The following DNAJC1 variants were observed in gnomAD, a reference collection of about 807,000 sequenced individuals.
DNAJC1 encodes the protein DnaJ heat shock protein family (Hsp40) member C1, also known as dnaJ homolog subfamily C member 1.
DNAJC1 carries 58 observed loss-of-function variants against 76.6 expected under a neutral mutation model. That is an observed-to-expected ratio of 0.76 (90% CI 0.61 to 0.94). DNAJC1 has a LOEUF of 0.94. DNAJC1 is among the 40% of genes least tolerant of loss of function. DNAJC1 has a pLI of 0.00. For synonymous variants in DNAJC1, 258 were observed against 267.9 expected (o/e 0.96, Z 0.36); for missense variants, 689 against 677.3 (o/e 1.02, Z -0.19).
intron 8 of DNAJC1, among the ~76,000 whole-genome samples, chr10:21,837,904 TCCGGGAGGGAGGTGGCGGGCAGC>T (rs1835495463): frequency 2.9e-5 from 4 of 137,318 alleles, no homozygotes; most frequent in African/African-American, 1.1e-4. Context: ...AGCCGCCCCG[TCCGGGAGGGAGGTGGCGGGCAGC>T]CCCCGCCCGG....
intron 8 of DNAJC1, among the ~76,000 whole-genome samples, chr10:21,871,697 G>A (rs1166998590): frequency 6.6e-6 from 1 of 151,802 alleles, no homozygotes; most frequent in East Asian, 1.9e-4. Context: ...ATCCAGGCTG[G>A]AGTGCAGTGG....
At chr10:21,975,989 T>G (rs1019999837) in intron 1 of DNAJC1, among the ~76,000 whole-genome samples, 1 of 152,136 alleles carries the variant, frequency 6.6e-6, no homozygotes, top group African/African-American at 2.4e-5. Flanking sequence ...CATATTTAGA[T>G]GGGCAAAAAT....
At chr10:21,813,198 C>T (rs1835008446) in intron 8 of DNAJC1, among the ~76,000 whole-genome samples, 1 of 81,052 alleles carries the variant, frequency 1.2e-5, no homozygotes, top group Non-Finnish European at 2.3e-5. Flanking sequence ...CTCTCTCTCT[C>T]TCTCTCTCTC....
At chr10:21,894,682 T>C (rs1836512179) in intron 7 of DNAJC1, among the ~76,000 whole-genome samples, 1 of 152,204 alleles carries the variant, frequency 6.6e-6, no homozygotes, top group Non-Finnish European at 1.5e-5. Context: ...AGAAAGCTAA[T>C]GCTATGAACG....
At chr10:21,962,461 T>C (rs77638326) in intron 1 of DNAJC1, among the ~76,000 whole-genome samples, 2 of 17,314 alleles carry the variant, frequency 1.2e-4, no homozygotes, top group African/African-American at 4.4e-4. Context: ...TTTTATTGCT[T>C]TTTTTTTTTT....
At chr10:21,952,616 A>G (rs545985741) in intron 1 of DNAJC1, among the ~76,000 whole-genome samples, 1 of 152,268 alleles carries the variant, frequency 6.6e-6, no homozygotes, top group African/African-American at 2.4e-5. Flanking sequence ...AAAATTATCC[A>G]GGCATAGTGG....
chr10:21,904,166 T>C (rs1180525339), intron 7 of DNAJC1, among the ~76,000 whole-genome samples: 1 of 152,186 alleles, frequency 6.6e-6, no homozygotes. Flanking sequence ...TAACTACAAC[T>C]GTTACACAGA....
intron 1 of DNAJC1, among the ~76,000 whole-genome samples, chr10:21,968,896 G>A (rs1212469948): frequency 6.6e-6 from 1 of 151,786 alleles, no homozygotes; most frequent in Non-Finnish European, 1.5e-5. Flanking sequence ...TTCCCTGTTT[G>A]TGCACAAAAC....
chr10:21,759,086 G>A, intron 11 of DNAJC1, 84 bp downstream of exon 11: 1 of 1,355,404 alleles, frequency 7.4e-7, no homozygotes, highest in Non-Finnish European at 1.0e-6. Context: ...ATAGGAATGA[G>A]GGAAGAAGCT....
At chr10:21,784,366 A>T (rs1368446167) in intron 9 of DNAJC1, among the ~76,000 whole-genome samples, 5 of 152,212 alleles carry the variant, frequency 3.3e-5, no homozygotes, top group Non-Finnish European at 5.9e-5. Flanking sequence ...ATCTTAGACC[A>T]GTTAGAATGG....
intron 6 of DNAJC1, among the ~76,000 whole-genome samples, chr10:21,915,351 G>A (rs775745810): frequency 7.9e-5 from 12 of 152,126 alleles, no homozygotes; most frequent in Non-Finnish European, 1.6e-4. Context: ...GCAAAGGAAT[G>A]GGTATTTAGA....
At chr10:21,813,207 T>TCC (rs1835009947) in intron 8 of DNAJC1, among the ~76,000 whole-genome samples, 1 of 96,270 alleles carries the variant, frequency 1.0e-5, no homozygotes, top group Non-Finnish European at 2.0e-5. Context: ...TCTCTCTCTC[T>TCC]CTCTCTCTCT....
intron 9 of DNAJC1, among the ~76,000 whole-genome samples, chr10:21,788,723 G>A (rs961373734): frequency 7.9e-5 from 12 of 152,064 alleles, no homozygotes; most frequent in African/African-American, 2.9e-4. Flanking sequence ...CACATCCAGC[G>A]TCCTGAGTTG....
intron 8 of DNAJC1, among the ~76,000 whole-genome samples, chr10:21,841,133 C>T (rs1835568300): frequency 6.6e-6 from 1 of 152,118 alleles, no homozygotes; most frequent in African/African-American, 2.4e-5. Context: ...AATGTTAGAC[C>T]TAAAACCATA....
At chr10:21,897,696 C>T (rs1467253940) in intron 7 of DNAJC1, among the ~76,000 whole-genome samples, 1 of 152,178 alleles carries the variant, frequency 6.6e-6, no homozygotes, top group African/African-American at 2.4e-5. Flanking sequence ...TCCACGAAAT[C>T]GTTCCCTGGT....
At chr10:21,788,470 A>G (rs1834640284) in intron 9 of DNAJC1, among the ~76,000 whole-genome samples, 1 of 152,206 alleles carries the variant, frequency 6.6e-6, no homozygotes, top group Non-Finnish European at 1.5e-5. Flanking sequence ...CCTACAGGCC[A>G]AACAACTCCA....
chr10:21,835,723 T>C (rs1835440554), intron 8 of DNAJC1, among the ~76,000 whole-genome samples: 1 of 152,038 alleles, frequency 6.6e-6, no homozygotes, highest in South Asian at 2.1e-4. Context: ...AGAAAGGGTA[T>C]CAGAGATGGA....
At chr10:21,952,250 G>A (rs1388487497) in intron 1 of DNAJC1, among the ~76,000 whole-genome samples, 1 of 152,094 alleles carries the variant, frequency 6.6e-6, no homozygotes, top group African/African-American at 2.4e-5. Flanking sequence ...TAATTTTTCA[G>A]TTATACCTTT....
At chr10:21,769,640 T>C (rs1424204574) in intron 9 of DNAJC1, among the ~76,000 whole-genome samples, 2 of 152,224 alleles carry the variant, frequency 1.3e-5, no homozygotes, top group African/African-American at 4.8e-5. Flanking sequence ...GGTCTCCTAG[T>C]TCCTAAAACT....
Sources: allele counts gnomAD v4.1 joint callset (sites outside exome capture counted in the v4.1 genomes callset), GRCh38; gene constraint gnomAD v4.1.1; transcripts MANE v1.5; gene names NCBI Gene and HGNC (gene_info 2026-07-23, HGNC 2026-07-21).